The following XPR1 variants were observed in gnomAD, a reference collection of about 807,000 sequenced individuals.
XPR1 encodes xenotropic and polytropic retrovirus receptor 1, also known as solute carrier family 53 member 1.
A neutral mutation model predicts 87.5 loss-of-function variants in XPR1; 28 were observed. The observed-to-expected ratio is 0.32, with a 90% CI of 0.24 to 0.44. The LOEUF (loss-of-function observed/expected upper bound fraction) is 0.44, where lower values mean the gene tolerates loss of function less well. XPR1 is among the 20% of genes least tolerant of loss of function. The probability of loss-of-function intolerance (pLI) is 1.00; values close to 1 mark genes in which losing one functional copy is unlikely to be tolerated. For missense variants in XPR1, 559 were observed against 862.3 expected, an observed-to-expected ratio of 0.65 and a Z score of 4.41; for synonymous variants, 300 against 306.1, an observed-to-expected ratio of 0.98 and a Z score of 0.21.
intron 2 of XPR1, among the ~76,000 whole-genome samples, chr1:180,697,756 C>T (rs146505878): frequency 1.2e-4 from 18 of 152,072 alleles, no homozygotes; most frequent in Admixed American, 2.6e-4. Context: ...GTATAGATTC[C>T]GAAGTTCCTC....
At chr1:180,773,125 G>T (rs1447134836) in intron 2 of XPR1, among the ~76,000 whole-genome samples, 2 of 152,132 alleles carry the variant, frequency 1.3e-5, no homozygotes, top group African/African-American at 4.8e-5. Context: ...TATGCTCAGG[G>T]TTATGTTGGT....
At chr1:180,863,216 GGATT>G (rs1456933617) in intron 11 of XPR1, among the ~76,000 whole-genome samples, 1 of 151,968 alleles carries the variant, frequency 6.6e-6, no homozygotes, top group Non-Finnish European at 1.5e-5. Flanking sequence ...TCTAGACTTA[GGATT>G]ATCTGGTTGC....
chr1:180,854,925 C>G (rs964629646), intron 11 of XPR1, among the ~76,000 whole-genome samples: 1 of 152,114 alleles, frequency 6.6e-6, no homozygotes, highest in Non-Finnish European at 1.5e-5. Context: ...TGTAGGCTGC[C>G]CAGAGACTAT....
At chr1:180,849,242 CGAAA>C (rs1651786653) in intron 11 of XPR1, among the ~76,000 whole-genome samples, 1 of 152,128 alleles carries the variant, frequency 6.6e-6, no homozygotes, top group East Asian at 1.9e-4. Flanking sequence ...ATACCAACTC[CGAAA>C]GAAAGGAAAC....
rs1649876089 is a variant in XPR1 at position 180,803,624 on chromosome 1, T to C, written c.447+13T>C. 6.2e-7 allele frequency: 1 copy of C among 1,600,102 alleles called. No homozygotes were observed. The highest frequency in any genetic ancestry group is 2.2e-5 in the East Asian group (1 of 44,674). On this transcript the variant is annotated intron_variant, in intron 4 of 14. Coordinates refer to ENST00000367590, the MANE Select transcript of XPR1 (RefSeq NM_004736.4). ...GCAGAACTATCAGGTACTTAGATTC[T>C]TACCCTAGAAAATGGCACCTTTAAG...
chr1:180,823,065 C>A (rs746718939), intron 7 of XPR1, among the ~76,000 whole-genome samples: 1 of 152,036 alleles, frequency 6.6e-6, no homozygotes, highest in East Asian at 1.9e-4. Context: ...CATGATGAAA[C>A]CCCGTCTCTA....
rs529768950 is a variant in XPR1 at position 180,732,149 on chromosome 1, C to T, written c.121+49738C>T. 1.5e-4 allele frequency among the ~76,000 whole-genome samples: 22 copies of T among 147,490 alleles called. No homozygotes were observed. In the South Asian group the frequency reaches 3.4e-3, roughly 23 times the overall value. On this transcript the variant is annotated intron_variant, in intron 2 of 14. Coordinates refer to ENST00000367590, the MANE Select transcript of XPR1 (RefSeq NM_004736.4). ...CGGAGGTTGCAGTGAGTTGAGATTG[C>T]GCCACTGCACTCTAGCCTGGGTGAC...
chr1:180,761,696 T>A (rs1404165308), intron 2 of XPR1, among the ~76,000 whole-genome samples: 1 of 152,160 alleles, frequency 6.6e-6, no homozygotes, highest in African/African-American at 2.4e-5. Context: ...GTTCAACCCT[T>A]GTGGAAGTCA....
intron 1 of XPR1, among the ~76,000 whole-genome samples, chr1:180,657,169 C>T (rs1320542249): frequency 1.3e-5 from 2 of 151,912 alleles, no homozygotes; most frequent in African/African-American, 4.8e-5. Flanking sequence ...ATCTTTGGTC[C>T]ATTTCTTAAT....
intron 2 of XPR1, among the ~76,000 whole-genome samples, chr1:180,688,880 C>T (rs1249648279): frequency 6.6e-6 from 1 of 152,024 alleles, no homozygotes; most frequent in African/African-American, 2.4e-5. Context: ...AACTGCCTGT[C>T]TTCCCTCTTT....
chr1:180,795,049 T>G (rs1649518142), intron 3 of XPR1, among the ~76,000 whole-genome samples: 1 of 152,218 alleles, frequency 6.6e-6, no homozygotes, highest in Admixed American at 6.5e-5. Context: ...GTCAACATTC[T>G]CATAAACTTA....
chr1:180,836,885 C>T (rs1417581056), intron 11 of XPR1, among the ~76,000 whole-genome samples, 169 bp downstream of exon 11: 1 of 152,064 alleles, frequency 6.6e-6, no homozygotes, highest in Non-Finnish European at 1.5e-5. Flanking sequence ...TAGTCTCATT[C>T]CAGTATCTAC....
intron 4 of XPR1, among the ~76,000 whole-genome samples, chr1:180,805,488 T>TA (rs1193038253): frequency 6.6e-6 from 1 of 152,216 alleles, no homozygotes; most frequent in East Asian, 1.9e-4. Flanking sequence ...CCTTTCTACT[T>TA]ACTCTTCTTA....
At chr1:180,831,993 A>G (rs1226199497) in intron 9 of XPR1, among the ~76,000 whole-genome samples, 5 of 152,222 alleles carry the variant, frequency 3.3e-5, no homozygotes, top group African/African-American at 1.2e-4. Context: ...CAATGGTTGA[A>G]CTAATTTATA....
intron 12 of XPR1, among the ~76,000 whole-genome samples, chr1:180,868,455 G>A (rs1229849532): frequency 4.0e-5 from 1 of 24,728 alleles, no homozygotes. Context: ...AGCATGGAAT[G>A]TTCTTCCATT....
In XPR1 at chr1:180,764,930, C is replaced by T. The variant is rs183828516; in HGVS notation, c.122-22823C>T. On this transcript the variant is annotated intron_variant, in intron 2 of 14. Transcript: ENST00000367590. ...CCTCCTGAGTAGCTGGGACTGCAGGCGCCCACCACCACACCCAGCTAATTT... is the reference window on the plus strand; with the variant it reads ...CCTCCTGAGTAGCTGGGACTGCAGGTGCCCACCACCACACCCAGCTAATTT... Among the ~76,000 whole-genome samples the T allele has an allele frequency of 0.022, 3,353 of 151,630 alleles. 418 individuals carry two copies. In the East Asian group the frequency reaches 0.37, roughly 17 times the overall value.
chr1:180,786,285 A>T (rs965243551), intron 2 of XPR1, among the ~76,000 whole-genome samples: 1 of 152,208 alleles, frequency 6.6e-6, no homozygotes, highest in African/African-American at 2.4e-5. Flanking sequence ...CCATGCAATA[A>T]TATGAATTTA....
chr1:180,718,328 G>T (rs1431652416), intron 2 of XPR1, among the ~76,000 whole-genome samples: 2 of 152,132 alleles, frequency 1.3e-5, no homozygotes, highest in Non-Finnish European at 2.9e-5. Flanking sequence ...CTCTGATAAT[G>T]AACAAAAATT....
intron 2 of XPR1, among the ~76,000 whole-genome samples, chr1:180,767,215 T>G (rs79232971): frequency 0.043 from 6,543 of 152,240 alleles, 503 homozygotes; most frequent in African/African-American, 0.15. Flanking sequence ...CTTTCCAGCT[T>G]AAAAGCAATA....
Sources: gnomAD v4.1 joint callset for allele counts (sites outside exome capture counted in the v4.1 genomes callset) on GRCh38, gnomAD v4.1.1 for gene constraint, MANE v1.5 for transcripts, NCBI Gene and HGNC (gene_info 2026-07-23, HGNC 2026-07-21) for gene names.